The following EPM2A variants were observed in gnomAD, a reference collection of about 807,000 sequenced individuals.
The protein encoded by EPM2A is EPM2A glucan phosphatase, laforin, also known as laforin.
A neutral mutation model predicts 26.5 loss-of-function variants in EPM2A; 21 were observed. The ratio of observed to expected loss-of-function variants is 0.79; its 90% CI spans 0.56 to 1.14. The LOEUF is 1.14. Ranked by LOEUF, EPM2A falls within the 50% of genes most tolerant of loss-of-function variation. The pLI is 0.00. For synonymous variants in EPM2A, 217 were observed against 177.6 expected, an observed-to-expected ratio of 1.22 and a Z score of -1.76; for missense variants, 458 against 440.8, an observed-to-expected ratio of 1.04 and a Z score of -0.35.
intron 1 of EPM2A, among the ~76,000 whole-genome samples, chr6:145,693,036 T>C (rs1459500471): frequency 2.6e-5 from 4 of 152,030 alleles, no homozygotes; most frequent in African/African-American, 9.7e-5. Flanking sequence ...TAATTCCTCT[T>C]ATCAAGGAGC....
At chr6:145,461,278 T>G (rs1035730057) in intron 4 of EPM2A, among the ~76,000 whole-genome samples, 9 of 152,156 alleles carry the variant, frequency 5.9e-5, no homozygotes, top group African/African-American at 2.2e-4. Context: ...GATTGAAGTG[T>G]GTGATGGACT....
intron 1 of EPM2A, chr6:145,734,940 G>A (rs1167471191): frequency 2.3e-5 from 6 of 265,346 alleles, no homozygotes; most frequent in Admixed American, 5.5e-5. Context: ...GCAGGCAACA[G>A]AGTGGGCGGG....
chr6:145,627,183 A>G lies in EPM2A; in HGVS notation c.*233T>C. 2.1e-6 allele frequency: 3 copies of G among 1,418,000 alleles called. No homozygotes were observed. The highest frequency in any genetic ancestry group is 2.8e-6 in the Non-Finnish European group (3 of 1,089,902). The allele number at this position is 1,418,000 out of a possible 1,614,324, so 87.8% of individuals were successfully genotyped here. Reference sequence around the variant, plus strand: ...TACCCTTCTGTCTGATGTACAGCCTAACTGCTTCGTGCTTCTTCTCATGTG... The same window carrying G: ...TACCCTTCTGTCTGATGTACAGCCTGACTGCTTCGTGCTTCTTCTCATGTG... On this transcript the variant is annotated 3_prime_UTR_variant, in exon 4 of 4. Transcript: ENST00000367519.
chr6:145,596,844 T>A lies in EPM2A; in HGVS notation c.340+38401A>T, dbSNP rs192458983. Among the ~76,000 whole-genome samples, 453 of 150,858 alleles carry A rather than the reference T, an allele frequency of 3.0e-3. 2 individuals carry two copies. The highest frequency in any genetic ancestry group is 5.3e-3 in the Non-Finnish European group (357 of 67,592). ...CATCCTAGGCCTTCCTACTCTTTAC[T>A]TTCTTCTACGTTGTATATGCTCTCT... is the stretch of plus-strand genomic sequence containing the variant. On this transcript the variant is annotated intron_variant, in intron 2 of 3. Transcript: ENST00000450221.
intron 2 of EPM2A, among the ~76,000 whole-genome samples, chr6:145,557,350 G>A (rs1310779502): frequency 6.6e-6 from 1 of 151,844 alleles, no homozygotes; most frequent in East Asian, 1.9e-4. Context: ...CCACCACTAT[G>A]CAATATATCC....
intron 2 of EPM2A, among the ~76,000 whole-genome samples, chr6:145,603,851 T>C (rs1781448266): frequency 6.6e-6 from 1 of 152,194 alleles, no homozygotes; most frequent in Non-Finnish European, 1.5e-5. Context: ...ATGGCTTACT[T>C]AACTTCTTTG....
chr6:145,408,267 T>G (rs1778596766), intron 4 of EPM2A, among the ~76,000 whole-genome samples: 1 of 152,202 alleles, frequency 6.6e-6, no homozygotes, highest in African/African-American at 2.4e-5. Flanking sequence ...TCCTGCTCTG[T>G]GTCCCAGGAG....
At chr6:145,727,011 G>C (rs1776246360) in intron 1 of EPM2A, among the ~76,000 whole-genome samples, 1 of 152,044 alleles carries the variant, frequency 6.6e-6, no homozygotes, top group South Asian at 2.1e-4. Flanking sequence ...CAACTTTTCT[G>C]TAAATCTAAA....
At chr6:145,499,047 T>C (rs1279328795), downstream of EPM2A, among the ~76,000 whole-genome samples, 3 of 152,208 alleles carry the variant, frequency 2.0e-5, no homozygotes, top group Non-Finnish European at 2.9e-5. Flanking sequence ...CATCCGTTTT[T>C]GGCCCTTCCT....
At chr6:145,592,981 A>G (rs1781295010) in intron 2 of EPM2A, among the ~76,000 whole-genome samples, 2 of 152,162 alleles carry the variant, frequency 1.3e-5, no homozygotes, top group African/African-American at 4.8e-5. Flanking sequence ...AATATAAATA[A>G]TCTAAACACA....
chr6:145,469,953 G>T (rs1310491139), intron 4 of EPM2A, among the ~76,000 whole-genome samples: 1 of 152,102 alleles, frequency 6.6e-6, no homozygotes, highest in Non-Finnish European at 1.5e-5. Context: ...TCATGTATTT[G>T]TGGGAACTAA....
chr6:145,612,618 C>T (rs946801711), intron 2 of EPM2A, among the ~76,000 whole-genome samples: 3 of 144,360 alleles, frequency 2.1e-5, no homozygotes, highest in Non-Finnish European at 4.5e-5. Flanking sequence ...AAGTCAGTAT[C>T]ACAATAAAGC....
At chr6:145,722,205 G>A (rs2128639357) in intron 1 of EPM2A, among the ~76,000 whole-genome samples, 1 of 152,144 alleles carries the variant, frequency 6.6e-6, no homozygotes, top group East Asian at 1.9e-4. Context: ...TAAAGGAAAA[G>A]CCTTTTCATT....
intron 2 of EPM2A, among the ~76,000 whole-genome samples, chr6:145,547,104 C>T (rs565063861): frequency 7.4e-4 from 112 of 152,250 alleles, no homozygotes; most frequent in Middle Eastern, 3.4e-3. Context: ...CTGACATTTT[C>T]ACCTGGACTT....
chr6:145,593,524 T>C (rs150457208), intron 2 of EPM2A, among the ~76,000 whole-genome samples: 4 of 152,186 alleles, frequency 2.6e-5, no homozygotes, highest in Admixed American at 6.5e-5. Flanking sequence ...CAGATCATGT[T>C]CCAGGCCATA....
intron 4 of EPM2A, among the ~76,000 whole-genome samples, chr6:145,484,064 T>G (rs1418533420): frequency 2.0e-5 from 3 of 152,164 alleles, no homozygotes; most frequent in Non-Finnish European, 4.4e-5. Context: ...AGCTTTTAGA[T>G]GAATAGGCTG....
chr6:145,465,106 G>T (rs1438360866), intron 4 of EPM2A, among the ~76,000 whole-genome samples: 2 of 151,842 alleles, frequency 1.3e-5, no homozygotes, highest in African/African-American at 2.4e-5. Flanking sequence ...TCACTTTCAG[G>T]TACACCAATC....
upstream of EPM2A, chr6:145,735,529 C>T (rs1181224695): frequency 3.4e-6 from 4 of 1,168,914 alleles, no homozygotes; most frequent in Admixed American, 4.6e-5. Context: ...ATACCCGGGC[C>T]CGGAGTCCCC....
chr6:145,421,572 TA>T (rs1467090376), intron 4 of EPM2A, among the ~76,000 whole-genome samples: 2 of 151,640 alleles, frequency 1.3e-5, no homozygotes, highest in Admixed American at 6.6e-5. Flanking sequence ...AGAAGTTGTT[TA>T]AAAAAAATTT....
Sources: allele counts gnomAD v4.1 joint callset (sites outside exome capture counted in the v4.1 genomes callset), GRCh38; gene constraint gnomAD v4.1.1; transcripts MANE v1.5; gene names NCBI Gene and HGNC (gene_info 2026-07-23, HGNC 2026-07-21).